The following KDM2B variants were observed in gnomAD, a reference collection of about 807,000 sequenced individuals.
The protein encoded by KDM2B is lysine demethylase 2B.
A neutral mutation model predicts 150.0 loss-of-function variants in KDM2B; 26 were observed. The observed-to-expected ratio is 0.17, with a 90% confidence interval of 0.13 to 0.24. The LOEUF is 0.24. KDM2B is among the 10% of genes least tolerant of loss of function. KDM2B has a pLI of 1.00. For missense variants in KDM2B, 1,265 were observed against 1,816.9 expected, an observed-to-expected ratio of 0.70 and a Z score of 5.52; for synonymous variants, 734 against 729.5, an observed-to-expected ratio of 1.01 and a Z score of -0.10.
chr12:121,514,226 G>A (rs1885839229), intron 9 of KDM2B, among the ~76,000 whole-genome samples: 1 of 152,168 alleles, frequency 6.6e-6, no homozygotes. Context: ...CGACCCTCCT[G>A]CCTCAGCCCT....
At chr12:121,466,070 T>C (rs1380086089) in intron 12 of KDM2B, among the ~76,000 whole-genome samples, 1 of 152,038 alleles carries the variant, frequency 6.6e-6, no homozygotes, top group Non-Finnish European at 1.5e-5. Flanking sequence ...TAAAACCACT[T>C]AATACTACGT....
chr12:121,549,759 C>T lies in KDM2B; in HGVS notation c.398-121G>A. The T allele has an allele frequency of 1.2e-6, 1 of 854,822 alleles. No individual in the cohort carries two copies. The highest frequency in any genetic ancestry group is 1.7e-6 in the Non-Finnish European group (1 of 574,968). The allele number at this position is 854,822 out of a possible 1,614,324, so 53.0% of individuals were successfully genotyped here. A position where few individuals can be genotyped will look rare whatever the true frequency, so the allele number is the denominator to read the frequency against. On this transcript the variant is annotated intron_variant, in intron 4 of 22. Transcript: ENST00000377071. The surrounding 1 kb of genome is among the most constrained non-coding windows in gnomAD (Gnocchi z 4.4). ...TTTCCCCACAGTCCTCACCCCTCTT[C>T]CTCATCTGTTCAATTACCTCACCCC...
At chr12:121,427,336 G>A (rs1447290208), downstream of KDM2B, among the ~76,000 whole-genome samples, 8 of 152,088 alleles carry the variant, frequency 5.3e-5, no homozygotes, top group South Asian at 2.1e-4. Context: ...TCAGGAGTTC[G>A]AGACCAGCCT....
chr12:121,480,741 G>A (rs1555297708), intron 12 of KDM2B, among the ~76,000 whole-genome samples: 1 of 151,838 alleles, frequency 6.6e-6, no homozygotes, highest in East Asian at 1.9e-4. Context: ...CTATAGTCCA[G>A]CTTGGGTGAC....
the KDM2B span, among the ~76,000 whole-genome samples, chr12:121,414,669 CTGT>C: frequency 0.021 from 3,138 of 152,172 alleles, 118 homozygotes; most frequent in African/African-American, 0.071. Context: ...AAATACTTTC[CTGT>C]TGTTGTTGTT....
At chr12:121,415,523 G>A in the KDM2B span, among the ~76,000 whole-genome samples, 3 of 152,132 alleles carry the variant, frequency 2.0e-5, no homozygotes, top group Non-Finnish European at 2.9e-5. Context: ...GGCTGAGGCA[G>A]GAGAATCGCT....
intron 4 of KDM2B, among the ~76,000 whole-genome samples, chr12:121,558,406 A>G (rs553845190): frequency 9.2e-5 from 14 of 151,640 alleles, no homozygotes; most frequent in African/African-American, 2.7e-4. Flanking sequence ...ACGGCTCAAC[A>G]CAGAAGGACA....
At chr12:121,490,678 G>A (rs1318559360) in intron 12 of KDM2B, among the ~76,000 whole-genome samples, 7 of 152,218 alleles carry the variant, frequency 4.6e-5, no homozygotes, top group Non-Finnish European at 1.0e-4. Flanking sequence ...AGCAGCCAGA[G>A]TGTAGACAGA....
intron 6 of KDM2B, 99 bp downstream of exon 6, chr12:121,548,778 A>G: frequency 1.1e-6 from 1 of 871,994 alleles, no homozygotes; most frequent in Non-Finnish European, 1.9e-6. Context: ...GTGACGCTCA[A>G]GCCTTCACTG....
In KDM2B at chr12:121,444,098, C is replaced by T. The variant is rs782514406; in HGVS notation, c.2365G>A (p.Gly789Ser). 2.9e-5 allele frequency: 47 copies of T among 1,613,690 alleles called. No individual in the cohort carries two copies. The highest frequency in any genetic ancestry group is 1.6e-4 in the African/African-American group (12 of 74,950). The change falls in exon 16 of 23, where the codon GGC (glycine) becomes AGC (serine). Residue 789 changes from glycine to serine, a missense_variant. Physicochemically the swap from Gly to Ser is moderately conservative, Grantham distance 56 (BLOSUM62 0). Transcript: ENST00000377071. The stretch of plus-strand genomic sequence containing the variant: ...TCGTCAGACTTTCTGCGCAGAAGGC[C>T]GTCCGGCGGCACCTTCTTCGAGTGC... ...DEHSKKVPPD[G>S]LLRRKSDDVH...
chr12:121,498,068 T>C lies in KDM2B; in HGVS notation c.1648-3403A>G, dbSNP rs1593954982. ...CCGAGACCATGCCACTGCACTCCAGTCTGAGAAACAGAGTAAGACTTTGTC... is the reference window on the plus strand; with the variant it reads ...CCGAGACCATGCCACTGCACTCCAGCCTGAGAAACAGAGTAAGACTTTGTC... On this transcript the variant is annotated intron_variant, in intron 11 of 22. Transcript: ENST00000377071. 3.3e-5 allele frequency among the ~76,000 whole-genome samples: 5 copies of C among 152,050 alleles called. No homozygotes were observed. The East Asian group carries it at 7.7e-4, about 24-fold the overall frequency.
chr12:121,457,097 G>A (rs530195050), intron 12 of KDM2B, among the ~76,000 whole-genome samples: 12 of 152,282 alleles, frequency 7.9e-5, no homozygotes, highest in African/African-American at 1.9e-4. Context: ...ACCCAACCAG[G>A]AAACGTGATG....
intron 4 of KDM2B, among the ~76,000 whole-genome samples, chr12:121,560,760 C>T (rs931054692): frequency 6.6e-6 from 1 of 152,164 alleles, no homozygotes; most frequent in Admixed American, 6.5e-5. Context: ...GGGAACCAGG[C>T]ACACAGGCTG....
rs1555303467 is a variant in KDM2B, at chr12:121,509,520, G to A, written c.1647+47C>T. 1.9e-6 allele frequency: 3 copies of A among 1,593,716 alleles called. No individual in the cohort carries two copies. The South Asian group carries it at 3.4e-5, about 18-fold the overall frequency. The stretch of plus-strand genomic sequence containing the variant: ...GCACGTGTCACACTGAACGGGACCT[G>A]CCCGGCCCTCCTCGGCCGCCCAGCC... On this transcript the variant is annotated intron_variant, in intron 11 of 22. Coordinates refer to ENST00000377071, the MANE Select transcript of KDM2B (RefSeq NM_032590.5).
chr12:121,502,952 T>A (rs1245444341), intron 11 of KDM2B, among the ~76,000 whole-genome samples: 6 of 148,818 alleles, frequency 4.0e-5, no homozygotes, highest in Admixed American at 6.7e-5. Context: ...ATTTTTTTTT[T>A]AAAAAAGGAA....
intron 6 of KDM2B, among the ~76,000 whole-genome samples, chr12:121,535,461 G>A (rs1285048558): frequency 2.0e-5 from 3 of 152,150 alleles, no homozygotes; most frequent in African/African-American, 4.8e-5. Flanking sequence ...TCATTCTGGG[G>A]TGATGAAAAT....
chr12:121,509,669 C>T lies in KDM2B; in HGVS notation c.1545G>A (p.Lys515=), dbSNP rs781965926. ...GTTTCTCCACCAGAGCTTTCAGGCC[C>T]TTCAGTTCAAACTCAGTGAGATGGG... The part of the protein sequence containing the change: ...KWTHLTEFEL[K]GLKALVEKLE... The change falls in exon 11 of 23, where the codon AAG becomes AAA. Residue 515 remains lysine, a synonymous_variant. Transcript: ENST00000377071. 1.7e-5 allele frequency: 28 copies of T among 1,613,970 alleles called. No homozygotes were observed. In the East Asian group the frequency reaches 6.2e-4, roughly 36 times the overall value.
intron 7 of KDM2B, 81 bp downstream of exon 7, chr12:121,534,416 G>A: frequency 1.0e-6 from 1 of 970,748 alleles, no homozygotes; most frequent in Non-Finnish European, 1.7e-6. Flanking sequence ...AGGGAGGTGG[G>A]AGGAGAGGGA....
chr12:121,465,249 C>CA (rs2139373847), intron 12 of KDM2B, among the ~76,000 whole-genome samples: 1 of 152,040 alleles, frequency 6.6e-6, no homozygotes, highest in African/African-American at 2.4e-5. Flanking sequence ...TTTTTTGAGA[C>CA]AGAGTCTCAC....
Sources: gnomAD v4.1 joint callset for allele counts (sites outside exome capture counted in the v4.1 genomes callset) on GRCh38, gnomAD v4.1.1 for gene constraint, Gnocchi (gnomAD v3.1) non-coding constraint, MANE v1.5 for transcripts, NCBI Gene and HGNC (gene_info 2026-07-23, HGNC 2026-07-21) for gene names.